GRM8: variants seen among roughly 807,000 people sequenced by gnomAD.
The protein encoded by GRM8 is glutamate metabotropic receptor 8, also known as metabotropic glutamate receptor 8.
A neutral mutation model predicts 87.2 loss-of-function variants in GRM8; 47 were observed. That is an observed-to-expected ratio of 0.54 (90% CI 0.43 to 0.69). GRM8 has a LOEUF of 0.69. GRM8 is among the 30% of genes least tolerant of loss of function. GRM8 has a pLI of 0.00. For missense variants in GRM8, 1,019 were observed against 1,139.2 expected, an observed-to-expected ratio of 0.89 and a Z score of 1.52; for synonymous variants, 396 against 404.5, an observed-to-expected ratio of 0.98 and a Z score of 0.25.
intron 8 of GRM8, among the ~76,000 whole-genome samples, chr7:126,541,271 C>T (rs1350078517): frequency 6.6e-6 from 1 of 152,122 alleles, no homozygotes; most frequent in Non-Finnish European, 1.5e-5. Context: ...AGACAAGGCA[C>T]AGAAGAGGAG....
intron 6 of GRM8, among the ~76,000 whole-genome samples, chr7:126,799,470 T>C (rs1822394597): frequency 1.3e-5 from 2 of 152,214 alleles, no homozygotes; most frequent in South Asian, 2.1e-4. Flanking sequence ...CTAACAATAA[T>C]GTAGACATGA....
At chr7:126,981,745 A>C (rs1811553318) in intron 3 of GRM8, 1 of 152,176 alleles carries the variant, frequency 6.6e-6, no homozygotes, top group African/African-American at 2.4e-5. Context: ...TCTTTGGCCT[A>C]AGGGTGGCTT....
At chr7:126,596,248 G>A (rs1442023271) in intron 8 of GRM8, among the ~76,000 whole-genome samples, 2 of 152,144 alleles carry the variant, frequency 1.3e-5, no homozygotes, top group African/African-American at 4.8e-5. Context: ...TTTCCACAAT[G>A]GCTAAACTAA....
At chr7:126,499,366 A>G (rs1445315914) in intron 9 of GRM8, among the ~76,000 whole-genome samples, 2 of 151,488 alleles carry the variant, frequency 1.3e-5, no homozygotes, top group Admixed American at 1.3e-4. Flanking sequence ...TGTTGGTGAT[A>G]TTGTAAATTA....
chr7:127,236,153 G>A (rs1797970340), intron 2 of GRM8, among the ~76,000 whole-genome samples: 1 of 152,086 alleles, frequency 6.6e-6, no homozygotes, highest in Non-Finnish European at 1.5e-5. Flanking sequence ...TTGGTGTATG[G>A]TGAAAACATT....
intron 7 of GRM8, among the ~76,000 whole-genome samples, chr7:126,648,224 ACT>A (rs1251954217): frequency 6.6e-6 from 1 of 151,892 alleles, no homozygotes; most frequent in African/African-American, 2.4e-5. Context: ...TCCTTATTAC[ACT>A]CTCTCAAGCC....
chr7:126,766,463 C>T (rs1468492805), intron 7 of GRM8, among the ~76,000 whole-genome samples: 1 of 152,082 alleles, frequency 6.6e-6, no homozygotes, highest in Non-Finnish European at 1.5e-5. Context: ...AGCCACTATT[C>T]AATTTTAAAT....
chr7:126,819,952 T>C (rs1014558560), intron 6 of GRM8, among the ~76,000 whole-genome samples: 5 of 152,170 alleles, frequency 3.3e-5, no homozygotes, highest in African/African-American at 1.2e-4. Context: ...ATAGGTACAC[T>C]GTCTAATACA....
intron 2 of GRM8, among the ~76,000 whole-genome samples, chr7:127,180,564 G>A (rs367944257): frequency 1.4e-4 from 21 of 151,916 alleles, no homozygotes; most frequent in Admixed American, 8.5e-4. Context: ...ACTACAGACC[G>A]ATATCCTTGA....
rs190172968 is a variant in GRM8, at chr7:126,773,780, G to A, written c.1157-3715C>T. Among the ~76,000 whole-genome samples the A allele has an allele frequency of 2.0e-5, 3 of 152,192 alleles. No homozygotes were observed. In the East Asian group the frequency reaches 5.8e-4, roughly 29 times the overall value. On this transcript the variant is annotated intron_variant, in intron 6 of 10. Transcript: ENST00000339582. ...AAAGGCTGAGGTGGGAGGATTGCTT[G>A]ATGTCAGGAGTTCAAGACCAGCCTG...
At chr7:126,784,615 A>G (rs1457082323) in intron 6 of GRM8, among the ~76,000 whole-genome samples, 1 of 152,188 alleles carries the variant, frequency 6.6e-6, no homozygotes, top group Non-Finnish European at 1.5e-5. Flanking sequence ...TTCTTCACAG[A>G]AGCTGAAAGG....
At chr7:127,066,439 G>A (rs1039228507) in intron 3 of GRM8, among the ~76,000 whole-genome samples, 1 of 152,108 alleles carries the variant, frequency 6.6e-6, no homozygotes, top group African/African-American at 2.4e-5. Flanking sequence ...TAGCATTTAA[G>A]AGTTTACAAG....
At chr7:127,024,648 C>T (rs1304775663) in intron 3 of GRM8, among the ~76,000 whole-genome samples, 1 of 152,086 alleles carries the variant, frequency 6.6e-6, no homozygotes, top group Non-Finnish European at 1.5e-5. Context: ...CTGTGGCCCA[C>T]AAGGTCTCCC....
rs529489255 is a variant in GRM8 at position 127,044,416 on chromosome 7, C to T, written c.727+62080G>A. ...AGATTAGAAAGATGCATCTACTTTTCCACATGGGACATGAAATTGAGTCTA... is the reference window on the plus strand; with the variant it reads ...AGATTAGAAAGATGCATCTACTTTTTCACATGGGACATGAAATTGAGTCTA... On this transcript the variant is annotated intron_variant, in intron 3 of 10. Coordinates refer to ENST00000339582, the MANE Select transcript of GRM8 (RefSeq NM_000845.3). 2.0e-5 allele frequency among the ~76,000 whole-genome samples: 3 copies of T among 152,234 alleles called. No individual in the cohort carries two copies. In the East Asian group the frequency reaches 5.8e-4, roughly 29 times the overall value.
chr7:127,247,144 G>A (rs1403865416), intron 1 of GRM8, among the ~76,000 whole-genome samples: 1 of 152,180 alleles, frequency 6.6e-6, no homozygotes, highest in Non-Finnish European at 1.5e-5. Flanking sequence ...GCATTTCCAG[G>A]GAGGTGATTT....
At chr7:126,747,331 G>C (rs1029181513) in intron 7 of GRM8, among the ~76,000 whole-genome samples, 23 of 151,892 alleles carry the variant, frequency 1.5e-4, no homozygotes, top group African/African-American at 5.3e-4. Flanking sequence ...GGCATTTAAA[G>C]GTATGCATTC....
At chr7:127,018,162 G>GA (rs1377039085) in intron 3 of GRM8, among the ~76,000 whole-genome samples, 1 of 151,566 alleles carries the variant, frequency 6.6e-6, no homozygotes, top group South Asian at 2.1e-4. Flanking sequence ...ACGCAAAAAA[G>GA]AAAAAAATCA....
At chr7:127,169,984 G>T (rs13244682) in intron 2 of GRM8, among the ~76,000 whole-genome samples, 29,760 of 152,084 alleles carry the variant, frequency 0.2, 3,347 homozygotes, top group Middle Eastern at 0.31. Flanking sequence ...TTTCATGCCT[G>T]CTAACACAAT....
chr7:126,494,879 T>C (rs1158606192), intron 9 of GRM8, among the ~76,000 whole-genome samples: 3 of 152,048 alleles, frequency 2.0e-5, no homozygotes, highest in Non-Finnish European at 2.9e-5. Flanking sequence ...AAACTGAACA[T>C]TGGAAAATAC....
Sources: gnomAD v4.1 joint callset for allele counts (sites outside exome capture counted in the v4.1 genomes callset) on GRCh38, gnomAD v4.1.1 for gene constraint, MANE v1.5 for transcripts, NCBI Gene and HGNC (gene_info 2026-07-23, HGNC 2026-07-21) for gene names.